The following TEX11 variants were observed in gnomAD, a reference collection of about 807,000 sequenced individuals.
TEX11 encodes the protein testis expressed 11.
Under a neutral mutation model 84.4 loss-of-function variants are expected in TEX11, and 7 were observed. The observed-to-expected ratio is 0.08, with a 90% confidence interval of 0.05 to 0.16. The LOEUF is 0.16. TEX11 is among the 10% of genes least tolerant of loss of function. The pLI, the probability that TEX11 is intolerant of heterozygous loss-of-function variation, is 1.00. For missense variants in TEX11, 551 were observed against 660.5 expected, an observed-to-expected ratio of 0.83 and a Z score of 1.82; for synonymous variants, 264 against 222.8, an observed-to-expected ratio of 1.18 and a Z score of -1.64.
chrX:70,738,335 C>G (rs1324913826), intron 11 of TEX11, among the ~76,000 whole-genome samples: 1 of 111,661 alleles, frequency 9.0e-6, no homozygotes, highest in Non-Finnish European at 1.9e-5. Context: ...ATGCGGCCAA[C>G]AAACATGAAA....
intron 25 of TEX11, among the ~76,000 whole-genome samples, chrX:70,588,312 A>T (rs2088880892): frequency 9.0e-6 from 1 of 111,608 alleles, no homozygotes; most frequent in Non-Finnish European, 1.9e-5. Flanking sequence ...TTGAATTGTA[A>T]TCCCCATAAT....
At chrX:70,842,254 T>C (rs1433903338) in intron 7 of TEX11, among the ~76,000 whole-genome samples, 1 of 111,120 alleles carries the variant, frequency 9.0e-6, no homozygotes, top group African/African-American at 3.3e-5. Flanking sequence ...CAAACCGAAT[T>C]CAGCAGCACA....
At chrX:70,789,331 G>A (rs978608823) in intron 9 of TEX11, among the ~76,000 whole-genome samples, 1 of 112,041 alleles carries the variant, frequency 8.9e-6, no homozygotes, top group East Asian at 2.8e-4. Flanking sequence ...GGTGGCTCAC[G>A]CCTGTAATCC....
intron 7 of TEX11, among the ~76,000 whole-genome samples, chrX:70,838,974 G>A (rs986229404): frequency 8.9e-6 from 1 of 112,537 alleles, no homozygotes; most frequent in African/African-American, 3.2e-5. Flanking sequence ...TGTTTGATTA[G>A]GTAAACAAAG....
intron 9 of TEX11, among the ~76,000 whole-genome samples, chrX:70,784,938 G>A (rs2091067802): frequency 8.9e-6 from 1 of 111,757 alleles, no homozygotes; most frequent in Admixed American, 9.6e-5. Context: ...TCCCCATTAA[G>A]CTACCAATGA....
At chrX:70,852,884 T>A (rs779677725) in intron 7 of TEX11, 150 bp downstream of exon 7, 73 of 543,037 alleles carry the variant, frequency 1.3e-4, no homozygotes, top group Non-Finnish European at 1.9e-4. Flanking sequence ...TAACATCACC[T>A]TCAGATATAA....
At chrX:70,587,578 A>G (rs750987716) in intron 25 of TEX11, among the ~76,000 whole-genome samples, 1 of 112,611 alleles carries the variant, frequency 8.9e-6, no homozygotes, top group Non-Finnish European at 1.9e-5. Context: ...ATGTATGGAA[A>G]CAAATGGGTG....
At chrX:70,624,472 A>C (rs994174450) in intron 19 of TEX11, among the ~76,000 whole-genome samples, 2 of 111,653 alleles carry the variant, frequency 1.8e-5, no homozygotes, top group African/African-American at 6.5e-5. Context: ...AAAACCTAAA[A>C]AGCTTTAAAA....
chrX:70,780,678 C>G (rs945668468), intron 9 of TEX11, among the ~76,000 whole-genome samples: 4 of 112,786 alleles, frequency 3.5e-5, no homozygotes, highest in Non-Finnish European at 7.5e-5. Context: ...CTTGGAGGGT[C>G]CCCGCCCATG....
intron 2 of TEX11, among the ~76,000 whole-genome samples, chrX:70,888,707 T>C (rs2091722745): frequency 9.0e-6 from 1 of 111,309 alleles, no homozygotes; most frequent in Non-Finnish European, 1.9e-5. Flanking sequence ...GAGAAAGATA[T>C]CAATATCCAA....
intron 22 of TEX11, among the ~76,000 whole-genome samples, chrX:70,608,293 A>G (rs1398036697): frequency 3.6e-5 from 4 of 112,052 alleles, no homozygotes; most frequent in Non-Finnish European, 7.5e-5. Context: ...ATAACACCAT[A>G]TATTAGTTTT....
chrX:70,813,416 T>A (rs2091268738), intron 8 of TEX11, among the ~76,000 whole-genome samples: 1 of 111,666 alleles, frequency 9.0e-6, no homozygotes, highest in Non-Finnish European at 1.9e-5. Flanking sequence ...TGCTAAAAAC[T>A]CTCAATAAAT....
At chrX:70,736,070 T>C (rs966523811) in intron 11 of TEX11, among the ~76,000 whole-genome samples, 1 of 111,561 alleles carries the variant, frequency 9.0e-6, no homozygotes, top group Non-Finnish European at 1.9e-5. Flanking sequence ...ATCCTATGGA[T>C]TGTGTCTTCA....
the TEX11 span, among the ~76,000 whole-genome samples, chrX:70,517,416 G>A: frequency 9.0e-6 from 1 of 111,195 alleles, no homozygotes; most frequent in Non-Finnish European, 1.9e-5. Context: ...TTGTGTGATG[G>A]ATTACATTTA....
chrX:70,731,988 G>A (rs182375975), intron 11 of TEX11, among the ~76,000 whole-genome samples: 20 of 112,004 alleles, frequency 1.8e-4, no homozygotes, highest in African/African-American at 4.9e-4. Flanking sequence ...GGGATGCGAG[G>A]CTGGTTCAAC....
intron 9 of TEX11, among the ~76,000 whole-genome samples, chrX:70,792,353 TATATACAC>T (rs1342802959): frequency 0.059 from 658 of 11,220 alleles, 87 homozygotes; most frequent in Middle Eastern, 0.17. Flanking sequence ...TATATATATA[TATATACAC>T]ACACAAATAT....
At chrX:70,777,053 T>A (rs769824969) in intron 9 of TEX11, among the ~76,000 whole-genome samples, 12 of 107,970 alleles carry the variant, frequency 1.1e-4, no homozygotes, top group South Asian at 4.1e-4. Context: ...TATTATTTTT[T>A]TTTTTGTAGA....
rs779580506 is a variant in TEX11 at position 70,907,197 on chromosome X, G to A, written c.37+556C>T. Among the ~76,000 whole-genome samples, 11 of 110,997 alleles carry A rather than the reference G, an allele frequency of 9.9e-5. No homozygotes were observed. The South Asian group carries it at 1.9e-3, about 19-fold the overall frequency. ...TTTTAAACTTATTTTTATTGCAATA[G>A]ATTTATCTTCCAGATTAAACGTTTT... On this transcript the variant is annotated intron_variant, in intron 2 of 29. Coordinates refer to ENST00000374333, the MANE Select transcript of TEX11 (RefSeq NM_031276.3).
At chrX:70,614,425 T>G (rs1648635186) in intron 20 of TEX11, among the ~76,000 whole-genome samples, 1 of 110,352 alleles carries the variant, frequency 9.1e-6, no homozygotes, top group African/African-American at 3.3e-5. Context: ...CATGGGCCTG[T>G]GGAAGTGGGA....
Sources: allele counts gnomAD v4.1 joint callset (sites outside exome capture counted in the v4.1 genomes callset), GRCh38; gene constraint gnomAD v4.1.1; transcripts MANE v1.5; gene names NCBI Gene and HGNC (gene_info 2026-07-23, HGNC 2026-07-21).